The following ATRNL1 variants were observed in gnomAD, a reference collection of about 807,000 sequenced individuals.
ATRNL1 encodes the protein attractin like 1, also known as attractin-like protein 1.
In ATRNL1, 95 loss-of-function variants were observed where a neutral mutation model predicts 182.7. That is an observed-to-expected ratio of 0.52 (90% confidence interval 0.44 to 0.62). The LOEUF is 0.62. ATRNL1 is among the 20% of genes least tolerant of loss of function. ATRNL1 has a pLI of 0.00. For synonymous variants in ATRNL1, 576 were observed against 568.3 expected (o/e 1.01, Z -0.19); for missense variants, 1,471 against 1,679.5 (o/e 0.88, Z 2.17).
At chr10:115,871,069 T>C (rs1324809604) in intron 28 of ATRNL1, among the ~76,000 whole-genome samples, 1 of 152,136 alleles carries the variant, frequency 6.6e-6, no homozygotes, top group Non-Finnish European at 1.5e-5. Flanking sequence ...AAAGGAATGC[T>C]TTTTTTCAAC....
chr10:115,937,172 G>A lies in ATRNL1; in HGVS notation c.4019-7486G>A, dbSNP rs186538454. Among the ~76,000 whole-genome samples the A allele has an allele frequency of 2.9e-3, 448 of 152,300 alleles. 3 individuals are homozygous for A. The highest frequency in any genetic ancestry group is 5.4e-3 in the Non-Finnish European group (368 of 68,034). ...TCAGCTATGTTATAGAAAGTGTTGCGTGAGGTGTCTGTGGTGCTGGAGTAG... is the reference window on the plus strand; with the variant it reads ...TCAGCTATGTTATAGAAAGTGTTGCATGAGGTGTCTGTGGTGCTGGAGTAG... On this transcript the variant is annotated intron_variant, in intron 28 of 28. Coordinates refer to ENST00000355044, the MANE Select transcript of ATRNL1 (RefSeq NM_207303.4).
Position 115,246,650 on chromosome 10 carries a change from TC to T in ATRNL1, c.1687+4927del, listed in dbSNP as rs1850657913. Among the ~76,000 whole-genome samples the T allele has an allele frequency of 2.8e-5, 2 of 72,476 alleles. 1 individual carries two copies. The highest frequency in any genetic ancestry group is 2.1e-4 in the Admixed American group (2 of 9,488). The allele number at this position is 72,476 out of a possible 152,430, so 47.5% of individuals were successfully genotyped here. ...ATCTCGGCTCACTGCAAGCTCCACT[TC>T]CTGGGTTCACGCCATTCTCCTGCCT... On this transcript the variant is annotated intron_variant, in intron 10 of 28. Coordinates refer to ENST00000355044, the MANE Select transcript of ATRNL1 (RefSeq NM_207303.4).
chr10:115,381,432 AT>A lies in ATRNL1; in HGVS notation c.3176-13210del, dbSNP rs375127246. On this transcript the variant is annotated intron_variant, in intron 19 of 28. Coordinates refer to ENST00000355044, the MANE Select transcript of ATRNL1 (RefSeq NM_207303.4). ...CAGGCACATGCCACCATACCTGGCA[AT>A]TTTTTTTTTTTTTTTTAGTAGACAT... Among the ~76,000 whole-genome samples the A allele has an allele frequency of 3.2e-3, 220 of 68,530 alleles. 18 individuals are homozygous for A. The highest frequency in any genetic ancestry group is 8.6e-3 in the African/African-American group (143 of 16,708). 45.0% of individuals were successfully genotyped at this position (68,530 alleles called of 152,430 possible).
In ATRNL1 at chr10:115,946,351, A is replaced by C. The variant is rs1953876104; in HGVS notation, c.*1572A>C. 6.6e-6 allele frequency: 1 copy of C among 152,180 alleles called. No homozygotes were observed. Among genetic ancestry groups the C allele is most frequent in the South Asian group, 2.1e-4 (1 of 4,834 alleles). 9.4% of individuals were successfully genotyped at this position (152,180 alleles called of 1,614,324 possible). On this transcript the variant is annotated 3_prime_UTR_variant, in exon 29 of 29. Transcript: ENST00000355044. ...AAGTGTTTATTTCATAATGCCATTT[A>C]TACATAGCTGAATTTGATGAGGATT... is the stretch of plus-strand genomic sequence containing the variant.
chr10:115,223,491 T>C (rs1554897920), intron 9 of ATRNL1, among the ~76,000 whole-genome samples: 1 of 152,028 alleles, frequency 6.6e-6, no homozygotes, highest in East Asian at 1.9e-4. Context: ...GTTGAAATAA[T>C]GTAAAATTGA....
At position 115,172,157 on chromosome 10, in the gene ATRNL1, C is replaced by T. The variant is rs138259715; in HGVS notation, c.1348+865C>T. Reference sequence around the variant, plus strand: ...CCCCTTCGAAATACTCCACTGTTTCCCTTGCAGTCCTTTCAAGTGATGGCT... The same window carrying T: ...CCCCTTCGAAATACTCCACTGTTTCTCTTGCAGTCCTTTCAAGTGATGGCT... On this transcript the variant is annotated intron_variant, in intron 8 of 28. Transcript: ENST00000355044. 4.1e-3 allele frequency among the ~76,000 whole-genome samples: 621 copies of T among 152,058 alleles called. 2 individuals are homozygous for T. The highest frequency in any genetic ancestry group is 0.013 in the African/African-American group (541 of 41,518).
chr10:115,902,241 T>C (rs1364383707), intron 28 of ATRNL1, among the ~76,000 whole-genome samples: 1 of 152,180 alleles, frequency 6.6e-6, no homozygotes, highest in African/African-American at 2.4e-5. Context: ...ACACACTTAG[T>C]AACATCATCT....
intron 14 of ATRNL1, among the ~76,000 whole-genome samples, chr10:115,282,036 CATAA>C (rs1852385689): frequency 1.4e-5 from 2 of 142,188 alleles, no homozygotes; most frequent in African/African-American, 5.2e-5. Context: ...ACAATAAATA[CATAA>C]ATATATTACT....
intron 17 of ATRNL1, among the ~76,000 whole-genome samples, chr10:115,309,344 A>T (rs1447280545): frequency 6.6e-6 from 1 of 152,118 alleles, no homozygotes; most frequent in Non-Finnish European, 1.5e-5. Context: ...AAGTGCACTG[A>T]ACCTGCAGAT....
chr10:115,738,154 T>TTTTTTTTTTTTTTTTTTTTC lies in ATRNL1; in HGVS notation c.3903+10801_3903+10802insTTTTTTTTTTTTTTTTTCTT, dbSNP rs71010046. 5.7e-3 allele frequency among the ~76,000 whole-genome samples: 362 copies of TTTTTTTTTTTTTTTTTTTTC among 63,912 alleles called. 95 individuals carry two copies. The highest frequency in any genetic ancestry group is 0.018 in the East Asian group (24 of 1,318). 41.9% of individuals were successfully genotyped at this position (63,912 alleles called of 152,430 possible). A position where few individuals can be genotyped will look rare whatever the true frequency, so the allele number is the denominator to read the frequency against. On this transcript the variant is annotated intron_variant, in intron 27 of 28. Coordinates refer to ENST00000355044, the MANE Select transcript of ATRNL1 (RefSeq NM_207303.4). Reference sequence around the variant, plus strand: ...TTTTTTTTTTTTTTTTTTTTTTTTTTTTGAGATGGAGTCCTGCTCTGTCGC... The same window carrying TTTTTTTTTTTTTTTTTTTTC: ...TTTTTTTTTTTTTTTTTTTTTTTTTTTTTTTTTTTTTTTTTTTTTCTTGAGATGGAGTCCTGCTCTGTCGC...
At chr10:115,295,782 A>G (rs1554922392) in intron 15 of ATRNL1, among the ~76,000 whole-genome samples, 2 of 152,088 alleles carry the variant, frequency 1.3e-5, no homozygotes, top group African/African-American at 2.4e-5. Flanking sequence ...CCTGCTGTGT[A>G]GGACCAGAGT....
At chr10:115,542,608 ATCATAAGAAAATG>A (rs1167817475) in intron 25 of ATRNL1, among the ~76,000 whole-genome samples, 1 of 152,188 alleles carries the variant, frequency 6.6e-6, no homozygotes, top group Non-Finnish European at 1.5e-5. Context: ...AGTCCAGAGA[ATCATAAGAAAATG>A]TAGCTAGGAC....
chr10:115,884,228 T>C (rs1589646967), intron 28 of ATRNL1, among the ~76,000 whole-genome samples: 1 of 152,350 alleles, frequency 6.6e-6, no homozygotes, highest in Middle Eastern at 3.4e-3. Context: ...AATCCATGGC[T>C]ATGAAGCCCT....
At chr10:115,167,520 G>A (rs1847101791) in intron 7 of ATRNL1, among the ~76,000 whole-genome samples, 1 of 151,950 alleles carries the variant, frequency 6.6e-6, no homozygotes, top group Non-Finnish European at 1.5e-5. Flanking sequence ...TGATTAAAAT[G>A]ACAGGACACT....
At chr10:115,242,700 A>G (rs1850474067) in intron 10 of ATRNL1, among the ~76,000 whole-genome samples, 1 of 152,072 alleles carries the variant, frequency 6.6e-6, no homozygotes, top group Non-Finnish European at 1.5e-5. Context: ...ACTATTAATA[A>G]GCACTTTAAT....
chr10:115,811,725 A>G (rs1555087021), intron 27 of ATRNL1, among the ~76,000 whole-genome samples: 1 of 152,058 alleles, frequency 6.6e-6, no homozygotes, highest in East Asian at 1.9e-4. Context: ...TTATTATTAT[A>G]TAATGTTATA....
In ATRNL1 at chr10:115,481,557, G is replaced by A. The variant is rs190041904; in HGVS notation, c.3654+12228G>A. On this transcript the variant is annotated intron_variant, in intron 24 of 28. Transcript: ENST00000355044. ...GTTGAATTTCATACAGTAGGCAATT[G>A]AATTGAGATATGAGACTGGTCAATT... Among the ~76,000 whole-genome samples, 22 of 150,766 alleles carry A rather than the reference G, an allele frequency of 1.5e-4. No homozygotes were observed. In the East Asian group the frequency reaches 3.9e-3, roughly 27 times the overall value.
chr10:115,386,152 A>G (rs1458606660), intron 19 of ATRNL1, among the ~76,000 whole-genome samples: 1 of 152,148 alleles, frequency 6.6e-6, no homozygotes, highest in African/African-American at 2.4e-5. Flanking sequence ...GGGAGAAATG[A>G]TACTTTACCA....
Position 115,165,570 on chromosome 10 carries a change from A to G in ATRNL1, c.1017A>G (p.Glu339=), listed in dbSNP as rs147572693. 2.4e-5 allele frequency: 35 copies of G among 1,487,220 alleles called. No individual in the cohort carries two copies. In the African/African-American group the frequency reaches 4.6e-4, roughly 19 times the overall value. 92.1% of individuals were successfully genotyped at this position (1,487,220 alleles called of 1,614,324 possible). Residue 339 remains glutamate (E), a synonymous_variant, in exon 7 of 29, where the codon GAA becomes GAG. Transcript: ENST00000355044. ...SFQMVLNYNL[E]SSIWNVGTPS... is the part of the protein sequence containing the mutation. ...TTCTTGCTTTTAGTTACAATTTAGA[A>G]AGCAGTATATGGAATGTAGGAACTC...
Sources: allele counts gnomAD v4.1 joint callset (sites outside exome capture counted in the v4.1 genomes callset), GRCh38; gene constraint gnomAD v4.1.1; transcripts MANE v1.5; gene names NCBI Gene and HGNC (gene_info 2026-07-23, HGNC 2026-07-21).